The following NKAIN3 variants were observed in gnomAD, a reference collection of about 807,000 sequenced individuals.
NKAIN3 encodes the protein sodium/potassium-transporting ATPase subunit beta-1-interacting protein 3.
A neutral mutation model predicts 30.2 loss-of-function variants in NKAIN3; 25 were observed. That is an observed-to-expected ratio of 0.83 (90% confidence interval 0.60 to 1.16). NKAIN3 has a LOEUF of 1.16. Ranked by LOEUF, NKAIN3 falls within the 50% of genes most tolerant of loss-of-function variation. The pLI is 0.00. For missense variants in NKAIN3, 225 were observed against 254.1 expected (o/e 0.89, Z 0.78); for synonymous variants, 91 against 89.6 (o/e 1.02, Z -0.09).
intron 3 of NKAIN3, among the ~76,000 whole-genome samples, chr8:62,671,575 T>C (rs1428900789): frequency 6.6e-6 from 1 of 152,170 alleles, no homozygotes; most frequent in Non-Finnish European, 1.5e-5. Context: ...AAATAAAAAT[T>C]AATGATAAGT....
At chr8:62,446,372 A>C (rs1359481768) in intron 1 of NKAIN3, among the ~76,000 whole-genome samples, 1 of 152,142 alleles carries the variant, frequency 6.6e-6, no homozygotes, top group Non-Finnish European at 1.5e-5. Context: ...CAAAAATAGC[A>C]ATAAATAATT....
intron 4 of NKAIN3, among the ~76,000 whole-genome samples, chr8:62,772,230 A>G (rs1817037794): frequency 6.6e-6 from 1 of 152,152 alleles, no homozygotes; most frequent in South Asian, 2.1e-4. Flanking sequence ...TGTTGTTGCA[A>G]ATGACAGGAT....
intron 1 of NKAIN3, among the ~76,000 whole-genome samples, chr8:62,552,279 C>T (rs1274122619): frequency 2.0e-5 from 3 of 152,118 alleles, no homozygotes; most frequent in Non-Finnish European, 2.9e-5. Context: ...GCTTCCAGAT[C>T]GTCACTGAAA....
intron 4 of NKAIN3, among the ~76,000 whole-genome samples, chr8:62,764,707 G>A (rs115316480): frequency 0.01 from 1,561 of 152,242 alleles, 27 homozygotes; most frequent in African/African-American, 0.034. Context: ...AAATACATGC[G>A]TTGGAAAGAT....
At chr8:62,765,411 C>T (rs1816807292) in intron 4 of NKAIN3, among the ~76,000 whole-genome samples, 1 of 152,140 alleles carries the variant, frequency 6.6e-6, no homozygotes, top group South Asian at 2.1e-4. Context: ...GCTAGTACTT[C>T]CTTCAGCCCC....
intron 4 of NKAIN3, chr8:62,856,383 G>T: frequency 1.2e-6 from 1 of 822,386 alleles, no homozygotes; most frequent in Non-Finnish European, 2.2e-6. Flanking sequence ...CTTCTAGTTT[G>T]CTGGATTCCT....
intron 4 of NKAIN3, among the ~76,000 whole-genome samples, chr8:62,756,416 C>T (rs1451945895): frequency 6.6e-6 from 1 of 152,078 alleles, no homozygotes; most frequent in Non-Finnish European, 1.5e-5. Context: ...TTTTTTATGG[C>T]TGAATAATAT....
At chr8:62,470,646 A>G (rs1354859831) in intron 1 of NKAIN3, among the ~76,000 whole-genome samples, 1 of 152,166 alleles carries the variant, frequency 6.6e-6, no homozygotes, top group Non-Finnish European at 1.5e-5. Context: ...AGAGATTTAG[A>G]CAATGAAAAT....
chr8:62,878,496 CTGTTGTTGTGTTT>C (rs1212066169), intron 4 of NKAIN3, among the ~76,000 whole-genome samples: 1 of 151,850 alleles, frequency 6.6e-6, no homozygotes, highest in Non-Finnish European at 1.5e-5. Flanking sequence ...TTGTTGTGTT[CTGTTGTTGTGTTT>C]TTATTATTAT....
chr8:62,739,681 G>A (rs1317698054), intron 3 of NKAIN3, among the ~76,000 whole-genome samples: 4 of 151,996 alleles, frequency 2.6e-5, no homozygotes, highest in Admixed American at 6.6e-5. Flanking sequence ...TGAAGTGATC[G>A]TATCTAAGGA....
At chr8:62,391,316 G>C (rs1817578464) in intron 1 of NKAIN3, among the ~76,000 whole-genome samples, 1 of 151,928 alleles carries the variant, frequency 6.6e-6, no homozygotes, top group East Asian at 1.9e-4. Flanking sequence ...GTGGTCAAAG[G>C]GCTGCTTTTA....
At chr8:62,252,319 T>G (rs1812131548) in intron 1 of NKAIN3, among the ~76,000 whole-genome samples, 1 of 152,200 alleles carries the variant, frequency 6.6e-6, no homozygotes, top group African/African-American at 2.4e-5. Flanking sequence ...AGATGATACA[T>G]TAGTTCCTCC....
At chr8:62,374,804 T>C (rs1471205053) in intron 1 of NKAIN3, among the ~76,000 whole-genome samples, 3 of 152,254 alleles carry the variant, frequency 2.0e-5, no homozygotes, top group African/African-American at 4.8e-5. Flanking sequence ...TGTAATGTTA[T>C]AGCATATTAT....
chr8:62,737,611 G>A (rs1488724344), intron 3 of NKAIN3, among the ~76,000 whole-genome samples: 1 of 152,092 alleles, frequency 6.6e-6, no homozygotes, highest in African/African-American at 2.4e-5. Flanking sequence ...TCAGGATCTT[G>A]ATCACACTTG....
chr8:62,983,572 A>G lies in NKAIN3; in HGVS notation c.*18165A>G, dbSNP rs1028580433. 1 of 152,140 alleles carries G rather than the reference A, an allele frequency of 6.6e-6. No individual in the cohort carries two copies. The allele number at this position is 152,140 out of a possible 1,614,324, so 9.4% of individuals were successfully genotyped here. The stretch of plus-strand genomic sequence containing the variant: ...AGATACATCCTAGTGTGGATTTCAC[A>G]TGGTCAATGATTTGCTTTCCTTGAA... On this transcript the variant is annotated 3_prime_UTR_variant, in exon 7 of 7. Transcript: ENST00000623646.
At chr8:62,541,668 A>C (rs1563448543) in intron 1 of NKAIN3, among the ~76,000 whole-genome samples, 1 of 151,922 alleles carries the variant, frequency 6.6e-6, no homozygotes, top group East Asian at 1.9e-4. Context: ...TTTTGCTTTT[A>C]ATTCTATTTT....
chr8:62,371,630 T>C lies in NKAIN3; in HGVS notation c.54+122503T>C, dbSNP rs140470424. ...TATGGATTTTAATTCTGGGTTTCTG[T>C]TTTGTAATAATTTCATTTAATAAAC... On this transcript the variant is annotated intron_variant, in intron 1 of 6. Transcript: ENST00000623646. Among the ~76,000 whole-genome samples, 908 of 152,086 alleles carry C rather than the reference T, an allele frequency of 6.0e-3. 4 individuals are homozygous for C. Among genetic ancestry groups the C allele is most frequent in the African/African-American group, 0.021 (864 of 41,564 alleles).
chr8:62,273,851 T>C (rs1284383838), intron 1 of NKAIN3, among the ~76,000 whole-genome samples: 1 of 152,204 alleles, frequency 6.6e-6, no homozygotes, highest in Non-Finnish European at 1.5e-5. Context: ...ATCATAGTTA[T>C]GAGTCCATTA....
chr8:62,673,437 C>T (rs1563510862), intron 3 of NKAIN3, among the ~76,000 whole-genome samples: 1 of 152,146 alleles, frequency 6.6e-6, no homozygotes, highest in African/African-American at 2.4e-5. Flanking sequence ...ATCTTTATGA[C>T]TTGCCACACA....
Sources: allele counts gnomAD v4.1 joint callset (sites outside exome capture counted in the v4.1 genomes callset), GRCh38; gene constraint gnomAD v4.1.1; transcripts MANE v1.5; gene names NCBI Gene and HGNC (gene_info 2026-07-23, HGNC 2026-07-21).